HS3ST5: variants seen among roughly 807,000 people sequenced by gnomAD.
HS3ST5 encodes heparan sulfate glucosamine 3-O-sulfotransferase 5.
Under a neutral mutation model 25.4 loss-of-function variants are expected in HS3ST5, and 10 were observed. The ratio of observed to expected loss-of-function variants is 0.39; its 90% CI spans 0.24 to 0.67. The LOEUF (loss-of-function observed/expected upper bound fraction) is 0.67, where lower values mean the gene tolerates loss of function less well. Among genes scored for constraint, HS3ST5 ranks in the 30% least tolerant of loss-of-function variants. The pLI is 0.44. For synonymous variants in HS3ST5, 170 were observed against 162.4 expected (o/e 1.05, Z -0.36); for missense variants, 324 against 420.7 (o/e 0.77, Z 2.01).
intron 3 of HS3ST5, chr6:114,132,119 G>A (rs916345312): frequency 6.6e-6 from 1 of 152,072 alleles, no homozygotes; most frequent in African/African-American, 2.4e-5. Context: ...ACAAACTGGT[G>A]CCAAAAGTGA....
At chr6:114,300,458 C>T (rs1446396572) in intron 1 of HS3ST5, among the ~76,000 whole-genome samples, 2 of 152,160 alleles carry the variant, frequency 1.3e-5, no homozygotes, top group Non-Finnish European at 2.9e-5. Context: ...TGAGATATCA[C>T]TTCACCACCA....
chr6:114,166,356 G>A (rs1448939624), intron 3 of HS3ST5, among the ~76,000 whole-genome samples: 1 of 152,126 alleles, frequency 6.6e-6, no homozygotes, highest in African/African-American at 2.4e-5. Flanking sequence ...AATAGCAGCA[G>A]CCAAGGAACT....
At chr6:114,296,356 C>G (rs1433003758) in intron 1 of HS3ST5, among the ~76,000 whole-genome samples, 1 of 151,978 alleles carries the variant, frequency 6.6e-6, no homozygotes, top group African/African-American at 2.4e-5. Context: ...AAAAAAAATC[C>G]TGGGGTATAA....
At chr6:114,146,696 T>G (rs1200763276) in intron 3 of HS3ST5, among the ~76,000 whole-genome samples, 1 of 152,044 alleles carries the variant, frequency 6.6e-6, no homozygotes, top group Non-Finnish European at 1.5e-5. Context: ...ATCATGGGGG[T>G]GGATCCCTCA....
At chr6:114,122,614 T>C (rs1237031367) in intron 3 of HS3ST5, among the ~76,000 whole-genome samples, 1 of 152,234 alleles carries the variant, frequency 6.6e-6, no homozygotes, top group Non-Finnish European at 1.5e-5. Flanking sequence ...TAATTCAAGA[T>C]TGGAAGAGAA....
intron 1 of HS3ST5, among the ~76,000 whole-genome samples, chr6:114,341,258 A>AGAGAGAGAGAGAGAGAGAGT (rs1562281461): frequency 1.4e-5 from 2 of 147,846 alleles, no homozygotes; most frequent in African/African-American, 5.0e-5. Context: ...AGAGAGAGAG[A>AGAGAGAGAGAGAGAGAGAGT]GAGTGAGTCC....
chr6:114,134,981 A>C (rs567344938), intron 3 of HS3ST5, among the ~76,000 whole-genome samples: 1 of 152,220 alleles, frequency 6.6e-6, no homozygotes, highest in Non-Finnish European at 1.5e-5. Flanking sequence ...GAGGCTCAGA[A>C]ACACCAGGGG....
intron 3 of HS3ST5, chr6:114,167,479 T>C (rs1562223273): frequency 6.6e-6 from 1 of 152,218 alleles, no homozygotes; most frequent in Non-Finnish European, 1.5e-5. Flanking sequence ...ATGCATAGTA[T>C]TATTATCCCT....
At position 114,179,255 on chromosome 6, in the gene HS3ST5, T is replaced by C. The variant is rs572764386; in HGVS notation, c.-144-10793A>G. The C allele has an allele frequency of 1.1e-4, 16 of 152,360 alleles. No individual in the cohort carries two copies. The East Asian group carries it at 2.9e-3, about 28-fold the overall frequency. The allele number at this position is 152,360 out of a possible 1,614,324, so 9.4% of individuals were successfully genotyped here. A position where few individuals can be genotyped will look rare whatever the true frequency, so the allele number is the denominator to read the frequency against. On this transcript the variant is annotated intron_variant, in intron 2 of 4. Coordinates refer to ENST00000312719, the MANE Select transcript of HS3ST5 (RefSeq NM_153612.4). ...CAGATAGTAAGCAAGCAATAATTAT[T>C]TGGGGTATGAATAAACAAATGCAAT...
At chr6:114,211,792 T>G (rs1197333938) in intron 2 of HS3ST5, among the ~76,000 whole-genome samples, 2 of 152,168 alleles carry the variant, frequency 1.3e-5, no homozygotes, top group Admixed American at 6.5e-5. Flanking sequence ...AAGAATCAAA[T>G]AGAATTCAAA....
At chr6:114,077,206 T>C (rs990899732) in intron 3 of HS3ST5, among the ~76,000 whole-genome samples, 5 of 152,196 alleles carry the variant, frequency 3.3e-5, no homozygotes, top group African/African-American at 4.8e-5. Flanking sequence ...CATTTGTAAT[T>C]ACCAAACTTA....
intron 1 of HS3ST5, among the ~76,000 whole-genome samples, chr6:114,246,332 T>C (rs746616472): frequency 1.3e-5 from 2 of 152,224 alleles, no homozygotes; most frequent in Non-Finnish European, 2.9e-5. Context: ...AGTTTTGTAA[T>C]TTGTCAGATA....
intron 3 of HS3ST5, among the ~76,000 whole-genome samples, chr6:114,107,461 C>T (rs1213804330): frequency 6.6e-6 from 1 of 152,170 alleles, no homozygotes; most frequent in Non-Finnish European, 1.5e-5. Context: ...TGCTTTCCTC[C>T]TAAAATCAGG....
At chr6:114,101,226 G>A (rs569466902) in intron 3 of HS3ST5, among the ~76,000 whole-genome samples, 78 of 152,212 alleles carry the variant, frequency 5.1e-4, no homozygotes, top group African/African-American at 1.8e-3. Flanking sequence ...TTATTAAGCC[G>A]AATAAGCAGA....
At chr6:114,110,120 CT>C (rs1776193837) in intron 3 of HS3ST5, among the ~76,000 whole-genome samples, 1 of 152,204 alleles carries the variant, frequency 6.6e-6, no homozygotes, top group Admixed American at 6.5e-5. Flanking sequence ...AAATATTCAC[CT>C]CTTGGGATGA....
intron 3 of HS3ST5, among the ~76,000 whole-genome samples, chr6:114,095,697 C>T (rs1261875324): frequency 6.6e-6 from 1 of 152,132 alleles, no homozygotes; most frequent in East Asian, 1.9e-4. Context: ...CAAATGTTCA[C>T]TCTGACTTGG....
chr6:114,243,689 T>C (rs1772246196), intron 1 of HS3ST5, among the ~76,000 whole-genome samples: 1 of 152,218 alleles, frequency 6.6e-6, no homozygotes, highest in Non-Finnish European at 1.5e-5. Flanking sequence ...TCTTCCAGTA[T>C]CCATGTCCAC....
chr6:114,148,693 TGACTAAAA>T (rs1356763600), intron 3 of HS3ST5, among the ~76,000 whole-genome samples: 1 of 152,114 alleles, frequency 6.6e-6, no homozygotes, highest in Non-Finnish European at 1.5e-5. Context: ...GCCGACTTCA[TGACTAAAA>T]CACCAAAAGC....
chr6:114,192,425 A>G (rs779648724), intron 2 of HS3ST5, among the ~76,000 whole-genome samples: 1 of 152,194 alleles, frequency 6.6e-6, no homozygotes, highest in Non-Finnish European at 1.5e-5. Flanking sequence ...GTTAAGAGGC[A>G]AGAGTACAAG....
Sources: allele counts gnomAD v4.1 joint callset (sites outside exome capture counted in the v4.1 genomes callset), GRCh38; gene constraint gnomAD v4.1.1; transcripts MANE v1.5; gene names NCBI Gene and HGNC (gene_info 2026-07-23, HGNC 2026-07-21).